Variants in ABCA13 observed in about 807,000 individuals in gnomAD.
The protein encoded by ABCA13 is ATP-binding cassette sub-family A member 13.
ABCA13 carries 476 observed loss-of-function variants against 478.7 expected under a neutral mutation model. That is an observed-to-expected ratio of 0.99 (90% confidence interval 0.92 to 1.07). The LOEUF (loss-of-function observed/expected upper bound fraction) is 1.07. Ranked by LOEUF, ABCA13 falls within the 50% of genes least tolerant of loss-of-function variation. ABCA13 has a pLI of 0.00. For synonymous variants in ABCA13, 2,252 were observed against 2,158.9 expected (o/e 1.04, Z -1.20); for missense variants, 6,060 against 5,910.6 (o/e 1.03, Z -0.83).
chr7:48,504,028 GAAACA>G (rs1040864034), intron 48 of ABCA13, among the ~76,000 whole-genome samples: 1 of 152,038 alleles, frequency 6.6e-6, no homozygotes, highest in African/African-American at 2.4e-5. Context: ...AATAAAGCTG[GAAACA>G]AAACAAACAA....
chr7:48,557,586 A>G (rs1311110973), intron 55 of ABCA13, among the ~76,000 whole-genome samples: 2 of 151,984 alleles, frequency 1.3e-5, no homozygotes, highest in African/African-American at 2.4e-5. Context: ...GCTTCATTGT[A>G]TGTTATTTGT....
At chr7:48,525,670 C>CT (rs538127881) in intron 54 of ABCA13, among the ~76,000 whole-genome samples, 14,933 of 68,074 alleles carry the variant, frequency 0.22, 1,837 homozygotes, top group Non-Finnish European at 0.29. Context: ...TTTAGATGCG[C>CT]TTTTTTTTTT....
rs137958857 is a variant in ABCA13, at chr7:48,487,042, G to A, written c.13183-2194G>A. Among the ~76,000 whole-genome samples, 100 of 152,190 alleles carry A rather than the reference G, an allele frequency of 6.6e-4. No individual in the cohort carries two copies. In the East Asian group the frequency reaches 0.017, roughly 25 times the overall value. ...AACAGAAGTTTTGGCCCGGTGCAGC[G>A]GCTCATGCCTGTAATCCCAGCACTT... On this transcript the variant is annotated intron_variant, in intron 47 of 61. Transcript: ENST00000435803.
chr7:48,450,715 G>A (rs573185093), intron 42 of ABCA13, among the ~76,000 whole-genome samples: 31 of 151,830 alleles, frequency 2.0e-4, no homozygotes, highest in Admixed American at 6.6e-4. Flanking sequence ...GTTAATACAC[G>A]CTGTTAATAC....
At chr7:48,454,632 G>A (rs1825437178) in intron 42 of ABCA13, among the ~76,000 whole-genome samples, 1 of 152,116 alleles carries the variant, frequency 6.6e-6, no homozygotes, top group Non-Finnish European at 1.5e-5. Flanking sequence ...AGCAGGCCGT[G>A]GGGTTATTCC....
chr7:48,279,135 G>T lies in ABCA13; in HGVS notation c.7941G>T (p.Met2647Ile). Residue 2647 changes from methionine to isoleucine, a missense_variant, in exon 18 of 62, where the codon ATG (methionine) becomes ATT (isoleucine). Met to Ile is a conservative substitution (Grantham distance 10). This residue lies in a region of ABCA13 where 4,423 missense variants were observed against 4,309.1 expected (regional missense o/e 1.03). Transcript: ENST00000435803. ...EIAEFLTSVKMNLEDMRSLAV... is the reference protein window; with the variant it reads ...EIAEFLTSVKINLEDMRSLAV... ...CTGAATTTTTAACATCTGTGAAAATGAACTTGGAAGATATGAGGAGTCTTG... is the reference window on the plus strand; with the variant it reads ...CTGAATTTTTAACATCTGTGAAAATTAACTTGGAAGATATGAGGAGTCTTG... 6.2e-7 allele frequency: 1 copy of T among 1,607,754 alleles called. No individual in the cohort carries two copies. The highest frequency in any genetic ancestry group is 1.1e-5 in the South Asian group (1 of 90,584).
chr7:48,172,053 A>T (rs1016310435), intron 1 of ABCA13, among the ~76,000 whole-genome samples: 1 of 152,226 alleles, frequency 6.6e-6, no homozygotes, highest in African/African-American at 2.4e-5. Flanking sequence ...ATCTATTTAG[A>T]ACTGTATTCA....
intron 15 of ABCA13, among the ~76,000 whole-genome samples, chr7:48,256,697 C>A (rs1295072249): frequency 1.3e-5 from 2 of 152,012 alleles, no homozygotes; most frequent in East Asian, 3.8e-4. Context: ...TTTACCAGTA[C>A]CATGTTGTTT....
In ABCA13 at chr7:48,645,836, G is replaced by T. The variant is rs2131710548; in HGVS notation, c.*324G>T. The T allele has an allele frequency of 3.4e-6, 1 of 293,782 alleles. No homozygotes were observed. The highest frequency in any genetic ancestry group is 6.4e-6 in the Non-Finnish European group (1 of 156,170). 18.2% of individuals were successfully genotyped at this position (293,782 alleles called of 1,614,324 possible). A position where few individuals can be genotyped will look rare whatever the true frequency, so the allele number is the denominator to read the frequency against. On this transcript the variant is annotated 3_prime_UTR_variant, in exon 62 of 62. Transcript: ENST00000435803. ...GAGACATTCTGGAGCTGGAAAGCCTGTCACACTAGAGTGTGTGTGACATGT... is the reference window on the plus strand; with the variant it reads ...GAGACATTCTGGAGCTGGAAAGCCTTTCACACTAGAGTGTGTGTGACATGT...
chr7:48,519,475 A>C (rs1335302856), intron 52 of ABCA13, among the ~76,000 whole-genome samples: 2 of 152,190 alleles, frequency 1.3e-5, no homozygotes, highest in Non-Finnish European at 2.9e-5. Context: ...AATCATTTTC[A>C]TTGTTACCAA....
chr7:48,548,548 ATT>A (rs35317081), intron 55 of ABCA13, among the ~76,000 whole-genome samples: 19,920 of 144,680 alleles, frequency 0.14, 1,780 homozygotes, highest in African/African-American at 0.21. Context: ...CATGTAACAC[ATT>A]TTTTTTTTTT....
chr7:48,401,405 T>C (rs1017521919), intron 38 of ABCA13, among the ~76,000 whole-genome samples: 1 of 152,238 alleles, frequency 6.6e-6, no homozygotes. Flanking sequence ...AGTTCTACTT[T>C]AAGTTGGACC....
rs781204721 is a variant in ABCA13 at position 48,412,568 on chromosome 7, C to T, written c.12444C>T (p.Asp4148=). The T allele has an allele frequency of 3.7e-6, 6 of 1,610,300 alleles. No homozygotes were observed. The highest frequency in any genetic ancestry group is 3.3e-4 in the Middle Eastern group (2 of 6,058). ...ACCTGACGGGCTATGGGATCTCAGACACCACCTTAGAAGAGGTACTGAGAA... is the reference window on the plus strand; with the variant it reads ...ACCTGACGGGCTATGGGATCTCAGATACCACCTTAGAAGAGGTACTGAGAA... ...QLHLTGYGIS[D]TTLEEVFLML... The change falls in exon 41 of 62, where the codon GAC becomes GAT. Residue 4148 remains aspartate, a synonymous_variant. Coordinates refer to ENST00000435803, the MANE Select transcript of ABCA13 (RefSeq NM_152701.5).
chr7:48,427,155 T>C (rs1487216715), intron 41 of ABCA13, among the ~76,000 whole-genome samples: 1 of 152,204 alleles, frequency 6.6e-6, no homozygotes, highest in East Asian at 1.9e-4. Flanking sequence ...TTGTGTCTGC[T>C]TGCACTTCTG....
intron 1 of ABCA13, among the ~76,000 whole-genome samples, chr7:48,186,381 C>T (rs768802924): frequency 6.6e-6 from 1 of 152,006 alleles, no homozygotes; most frequent in Non-Finnish European, 1.5e-5. Flanking sequence ...TCTCTGGGTT[C>T]TTATTTTTGA....
At chr7:48,339,939 C>T (rs978015640) in intron 29 of ABCA13, among the ~76,000 whole-genome samples, 5 of 152,104 alleles carry the variant, frequency 3.3e-5, no homozygotes, top group Admixed American at 2.6e-4. Context: ...ATGAACTCAC[C>T]TTACTGCATG....
chr7:48,645,610 A>G lies in ABCA13; in HGVS notation c.*98A>G. The G allele has an allele frequency of 1.0e-6, 1 of 968,122 alleles. No homozygotes were observed. Among genetic ancestry groups the G allele is most frequent in the South Asian group, 1.6e-5 (1 of 64,178 alleles). 60.0% of individuals were successfully genotyped at this position (968,122 alleles called of 1,614,324 possible). A position where few individuals can be genotyped will look rare whatever the true frequency, so the allele number is the denominator to read the frequency against. ...ACGCGCACAATCAAGGAGCTGGAAC[A>G]CACTCTCCAGGCCGTCAAATTATTC... is the stretch of plus-strand genomic sequence containing the variant. On this transcript the variant is annotated 3_prime_UTR_variant, in exon 62 of 62. Transcript: ENST00000435803.
In ABCA13 at chr7:48,248,059, A is replaced by T. The variant is rs984055561; in HGVS notation, c.1660-180A>T. On this transcript the variant is annotated intron_variant, in intron 13 of 61. Coordinates refer to ENST00000435803, the MANE Select transcript of ABCA13 (RefSeq NM_152701.5). ...TATTTTTGGACTTATTAACCTGAAC[A>T]TGAGTAAAGATTCAAGTCTAGAACT... is the stretch of plus-strand genomic sequence containing the variant. Among the ~76,000 whole-genome samples the T allele has an allele frequency of 3.3e-5, 5 of 152,328 alleles. No homozygotes were observed. In the East Asian group the frequency reaches 9.6e-4, roughly 29 times the overall value.
At chr7:48,239,499 G>A in intron 9 of ABCA13, 94 bp downstream of exon 9, 7 of 1,404,216 alleles carry the variant, frequency 5.0e-6, no homozygotes, top group Non-Finnish European at 5.7e-6. Flanking sequence ...TTTACTGTTG[G>A]ATTTTATGTC....
Sources: gnomAD v4.1 joint callset for allele counts (sites outside exome capture counted in the v4.1 genomes callset) on GRCh38, gnomAD v4.1.1 for gene constraint, gnomAD v4.1.1 regional missense constraint, MANE v1.5 for transcripts, NCBI Gene and HGNC (gene_info 2026-07-23, HGNC 2026-07-21) for gene names.